FAM120C: variants seen among roughly 807,000 people sequenced by gnomAD.
FAM120C encodes family with sequence similarity 120 member C.
A neutral mutation model predicts 71.2 loss-of-function variants in FAM120C; 14 were observed. The ratio of observed to expected loss-of-function variants is 0.20; its 90% confidence interval spans 0.13 to 0.31. The LOEUF (loss-of-function observed/expected upper bound fraction) is 0.31. Ranked by LOEUF, FAM120C falls within the 10% of genes least tolerant of loss-of-function variation. FAM120C has a pLI of 1.00. For missense variants in FAM120C, 500 were observed against 879.0 expected (o/e 0.57, Z 5.45); for synonymous variants, 354 against 353.2 (o/e 1.00, Z -0.03).
intron 1 of FAM120C, among the ~76,000 whole-genome samples, chrX:54,169,087 C>A (rs1300713954): frequency 9.0e-6 from 1 of 111,071 alleles, no homozygotes; most frequent in Non-Finnish European, 1.9e-5. Context: ...ATCGCCTGAG[C>A]CGAGGATTCC....
At chrX:54,177,085 C>T (rs1018521514) in intron 1 of FAM120C, among the ~76,000 whole-genome samples, 2 of 111,133 alleles carry the variant, frequency 1.8e-5, no homozygotes, top group Non-Finnish European at 3.8e-5. Context: ...GTCTAGGAAA[C>T]TAAGAAAATA....
At chrX:54,169,328 A>G (rs1557135626) in intron 1 of FAM120C, among the ~76,000 whole-genome samples, 1 of 111,092 alleles carries the variant, frequency 9.0e-6, no homozygotes, top group East Asian at 2.8e-4. Flanking sequence ...CATTAAGTAC[A>G]TTGTTTCTCA....
intron 1 of FAM120C, among the ~76,000 whole-genome samples, chrX:54,163,925 CATATAT>C (rs1397391040): frequency 1.2e-4 from 13 of 104,652 alleles, no homozygotes; most frequent in African/African-American, 4.5e-4. Flanking sequence ...TGTATATATA[CATATAT>C]ATATATATTT....
In FAM120C at chrX:54,072,905, T is replaced by C; in HGVS notation, c.*128A>G. The stretch of plus-strand genomic sequence containing the variant: ...AGGGAAGGGGAAAAGATGGACACAA[T>C]AGGACATCCCACCAAAATCCTGGAG... On this transcript the variant is annotated 3_prime_UTR_variant, in exon 16 of 16. Coordinates refer to ENST00000375180, the MANE Select transcript of FAM120C (RefSeq NM_017848.6). 2.4e-6 allele frequency: 2 copies of C among 821,261 alleles called. No individual in the cohort carries two copies. Among genetic ancestry groups the C allele is most frequent in the Non-Finnish European group, 1.7e-6 (1 of 585,883 alleles). The allele number at this position is 821,261 out of a possible 1,213,427, so 67.7% of individuals were successfully genotyped here.
intron 10 of FAM120C, among the ~76,000 whole-genome samples, chrX:54,095,067 A>AAAAACAAAAC (rs200090345): frequency 1.1e-4 from 12 of 110,402 alleles, no homozygotes; most frequent in Admixed American, 3.0e-4. Flanking sequence ...AACTTGTTTC[A>AAAAACAAAAC]AAAACAAAAC....
At chrX:54,077,340 C>T (rs1279629118) in intron 15 of FAM120C, among the ~76,000 whole-genome samples, 1 of 111,696 alleles carries the variant, frequency 9.0e-6, no homozygotes, top group Non-Finnish European at 1.9e-5. Context: ...ATACTGACTT[C>T]ATAGATAATT....
intron 9 of FAM120C, among the ~76,000 whole-genome samples, chrX:54,117,378 A>ATAAAATAAAATAAAATAAAATAAAC (rs2066975452): frequency 1.2e-4 from 12 of 98,868 alleles, no homozygotes; most frequent in African/African-American, 4.4e-4. Context: ...ATAAAATAAA[A>ATAAAATAAAATAAAATAAAATAAAC]TAAAATAAAA....
intron 10 of FAM120C, among the ~76,000 whole-genome samples, chrX:54,110,963 G>C (rs1034941532): frequency 2.7e-5 from 3 of 109,875 alleles, no homozygotes; most frequent in Non-Finnish European, 5.7e-5. Flanking sequence ...TGGAGGCTGA[G>C]GCAGGAGAAT....
rs782108514 is a variant in FAM120C at position 54,132,828 on chromosome X, C to T, written c.1926G>A (p.Glu642=). 1.7e-6 allele frequency: 2 copies of T among 1,205,149 alleles called. No individual in the cohort carries two copies. The highest frequency in any genetic ancestry group is 2.2e-6 in the Non-Finnish European group (2 of 893,168). The change falls in exon 9 of 16, where the codon GAG becomes GAA. Residue 642 remains glutamate (E), a synonymous_variant. Coordinates refer to ENST00000375180, the MANE Select transcript of FAM120C (RefSeq NM_017848.6). ...CAGCTGGAGGCAGCTCCATGTTACACTCATCCTCAATACATACGGGGATCT... is the reference window on the plus strand; with the variant it reads ...CAGCTGGAGGCAGCTCCATGTTACATTCATCCTCAATACATACGGGGATCT... ...EIKIPVCIED[E]CNMELPPAAL... is the part of the protein sequence containing the mutation.
chrX:54,093,146 T>C (rs1433147723), intron 10 of FAM120C, among the ~76,000 whole-genome samples: 2 of 111,969 alleles, frequency 1.8e-5, no homozygotes, highest in African/African-American at 6.5e-5. Context: ...TTAATAAATA[T>C]TTATTGGAAG....
At chrX:54,102,781 G>A (rs1235011076) in intron 10 of FAM120C, among the ~76,000 whole-genome samples, 2 of 85,977 alleles carry the variant, frequency 2.3e-5, no homozygotes, top group Admixed American at 1.4e-4. Context: ...GTGCAGTGGC[G>A]CGATCTCAGC....
At chrX:54,112,023 A>C (rs782206486) in intron 10 of FAM120C, among the ~76,000 whole-genome samples, 1 of 112,269 alleles carries the variant, frequency 8.9e-6, no homozygotes, top group Non-Finnish European at 1.9e-5. Context: ...GACAAAACAC[A>C]TACTGGGGAA....
chrX:54,135,812 TATAA>T (rs1557130449), intron 5 of FAM120C, among the ~76,000 whole-genome samples: 3 of 111,433 alleles, frequency 2.7e-5, no homozygotes, highest in African/African-American at 9.8e-5. Context: ...CCACATTTCA[TATAA>T]ATGTGACTTG....
At chrX:54,180,286 GCC>G (rs1293451433) in intron 1 of FAM120C, among the ~76,000 whole-genome samples, 1 of 112,222 alleles carries the variant, frequency 8.9e-6, no homozygotes, top group Admixed American at 9.4e-5. Flanking sequence ...ACTATCTACA[GCC>G]CTCTTCATGG....
chrX:54,082,660 C>T (rs2066772618), intron 13 of FAM120C, among the ~76,000 whole-genome samples: 1 of 110,288 alleles, frequency 9.1e-6, no homozygotes, highest in Admixed American at 9.7e-5. Context: ...CCACCTGCCT[C>T]AGGCTCTCAA....
At chrX:54,146,982 G>A (rs782073760) in intron 4 of FAM120C, among the ~76,000 whole-genome samples, 1 of 112,086 alleles carries the variant, frequency 8.9e-6, no homozygotes, top group Non-Finnish European at 1.9e-5. Context: ...AAATATGGAT[G>A]ATTTGTTCTA....
intron 1 of FAM120C, among the ~76,000 whole-genome samples, chrX:54,171,133 G>A (rs886546127): frequency 8.9e-6 from 1 of 112,106 alleles, no homozygotes; most frequent in Non-Finnish European, 1.9e-5. Flanking sequence ...GCCAGGCATG[G>A]TGGGTAATCC....
chrX:54,166,772 G>T (rs781997645), intron 1 of FAM120C, among the ~76,000 whole-genome samples: 1 of 111,773 alleles, frequency 8.9e-6, no homozygotes, highest in South Asian at 3.7e-4. Context: ...TATATCCATA[G>T]TATCTCTGAA....
At chrX:54,148,484 G>A (rs2067168612) in intron 4 of FAM120C, among the ~76,000 whole-genome samples, 1 of 111,006 alleles carries the variant, frequency 9.0e-6, no homozygotes, top group African/African-American at 3.3e-5. Flanking sequence ...CTGTCTCTAC[G>A]AAAAGTACAA....
Sources: gnomAD v4.1 joint callset for allele counts (sites outside exome capture counted in the v4.1 genomes callset) on GRCh38, gnomAD v4.1.1 for gene constraint, MANE v1.5 for transcripts, NCBI Gene and HGNC (gene_info 2026-07-23, HGNC 2026-07-21) for gene names.